Variants in RUNX1 observed in about 807,000 individuals in gnomAD.
RUNX1 encodes RUNX family transcription factor 1.
RUNX1 carries 19 observed loss-of-function variants against 42.8 expected under a neutral mutation model. The ratio of observed to expected loss-of-function variants is 0.44; its 90% CI spans 0.31 to 0.65. The LOEUF (loss-of-function observed/expected upper bound fraction) is 0.65. RUNX1 is among the 30% of genes least tolerant of loss of function. The pLI, the probability that RUNX1 is intolerant of heterozygous loss-of-function variation, is 0.07. For synonymous variants in RUNX1, 271 were observed against 289.4 expected (o/e 0.94, Z 0.64); for missense variants, 528 against 672.0 (o/e 0.79, Z 2.37).
chr21:34,844,586 A>ATGAG (rs3831801), intron 6 of RUNX1, among the ~76,000 whole-genome samples: 1 of 152,004 alleles, frequency 6.6e-6, no homozygotes. Flanking sequence ...AAATAAATGA[A>ATGAG]TGAGTGAGTG....
rs1036078636 is a variant in RUNX1, at chr21:34,857,966, G to T, written c.613+1508C>A. Among the ~76,000 whole-genome samples the T allele has an allele frequency of 1.2e-4, 19 of 152,216 alleles. 1 individual carries two copies. The highest frequency in any genetic ancestry group is 1.2e-3 in the Admixed American group (19 of 15,280). On this transcript the variant is annotated intron_variant, in intron 6 of 8. Coordinates refer to ENST00000675419, the MANE Select transcript of RUNX1 (RefSeq NM_001754.5). ...TCCCAAGTCTAGGCATGGCCAGAAA[G>T]TCTCGATCAGAAAAAGCTGAGAGGG...
chr21:34,895,308 C>T (rs1043303068), intron 2 of RUNX1, among the ~76,000 whole-genome samples: 2 of 152,200 alleles, frequency 1.3e-5, no homozygotes, highest in Non-Finnish European at 2.9e-5. Context: ...GATTCACCTG[C>T]CTTCAGCATT....
chr21:34,864,337 C>T (rs1010310615), intron 5 of RUNX1, among the ~76,000 whole-genome samples: 22 of 152,312 alleles, frequency 1.4e-4, no homozygotes, highest in African/African-American at 5.1e-4. Context: ...GAGCTGCAGC[C>T]GGAATAGTGA....
chr21:34,953,262 C>T (rs909785082), intron 2 of RUNX1, among the ~76,000 whole-genome samples: 1 of 152,080 alleles, frequency 6.6e-6, no homozygotes, highest in African/African-American at 2.4e-5. Context: ...CCTATTCTTC[C>T]TTTCAAAAAG....
Position 34,926,548 on chromosome 21 carries a change from GTGTTTTTCT to G in RUNX1, c.59-33594_59-33586del, listed in dbSNP as rs1268538824. Among the ~76,000 whole-genome samples the G allele has an allele frequency of 1.1e-3, 24 of 22,848 alleles. 7 individuals carry two copies. The highest frequency in any genetic ancestry group is 5.3e-3 in the South Asian group (2 of 376). The allele number at this position is 22,848 out of a possible 152,430, so 15.0% of individuals were successfully genotyped here. On this transcript the variant is annotated intron_variant, in intron 2 of 8. Transcript: ENST00000675419. ...TTTTGATCTACAACAAACACAAATTGTGTTTTTCTACAGCACATATTTATTATTGACTAA... is the reference window on the plus strand; with the variant it reads ...TTTTGATCTACAACAAACACAAATTGACAGCACATATTTATTATTGACTAA...
intron 5 of RUNX1, 142 bp downstream of exon 5, chr21:34,880,415 T>C (rs576323954): frequency 9.4e-5 from 71 of 755,390 alleles, no homozygotes; most frequent in Admixed American, 8.6e-4. Flanking sequence ...CAAATAAATA[T>C]TTTTAAGAGC....
At chr21:35,000,196 T>A (rs1471573868) in intron 2 of RUNX1, among the ~76,000 whole-genome samples, 1 of 151,964 alleles carries the variant, frequency 6.6e-6, no homozygotes, top group Admixed American at 6.6e-5. Flanking sequence ...CTGATTTTTT[T>A]AAATCTAGAG....
At chr21:34,830,165 G>A (rs2057043320) in intron 7 of RUNX1, among the ~76,000 whole-genome samples, 1 of 152,194 alleles carries the variant, frequency 6.6e-6, no homozygotes, top group Admixed American at 6.5e-5. Context: ...AGTGAGGCAC[G>A]CATACTCATA....
At chr21:34,869,765 T>C (rs2146295554) in intron 5 of RUNX1, among the ~76,000 whole-genome samples, 1 of 152,194 alleles carries the variant, frequency 6.6e-6, no homozygotes, top group South Asian at 2.1e-4. Flanking sequence ...CCCTTCAACT[T>C]GGGTGGAGGC....
At chr21:34,919,032 A>G (rs2058334214) in intron 2 of RUNX1, among the ~76,000 whole-genome samples, 1 of 152,260 alleles carries the variant, frequency 6.6e-6, no homozygotes, top group Non-Finnish European at 1.5e-5. Flanking sequence ...TTCATTATAA[A>G]TGAACACAAA....
At chr21:34,891,353 T>G (rs2058078998) in intron 3 of RUNX1, among the ~76,000 whole-genome samples, 2 of 152,228 alleles carry the variant, frequency 1.3e-5, no homozygotes, top group African/African-American at 4.8e-5. Flanking sequence ...ACATTTGGGT[T>G]TCCCCGGAGC....
chr21:34,813,101 T>C (rs973412551), intron 7 of RUNX1, among the ~76,000 whole-genome samples: 2 of 152,142 alleles, frequency 1.3e-5, no homozygotes, highest in Non-Finnish European at 2.9e-5. Context: ...ACGGGTGATT[T>C]CTCCTCCAGG....
At chr21:34,876,089 G>A (rs541207884) in intron 5 of RUNX1, among the ~76,000 whole-genome samples, 5 of 152,260 alleles carry the variant, frequency 3.3e-5, no homozygotes, top group East Asian at 1.9e-4. Flanking sequence ...CACAAATTCC[G>A]CCAAGAAACT....
At position 34,986,206 on chromosome 21, in the gene RUNX1, T is replaced by C. The variant is rs1314520787; in HGVS notation, c.58+62636A>G. On this transcript the variant is annotated intron_variant, in intron 2 of 8. Coordinates refer to ENST00000675419, the MANE Select transcript of RUNX1 (RefSeq NM_001754.5). ...GCTGATCATTTATGTCCCTAGATAC[T>C]GTCCACTGTTTCACCTTCCAGTCTG... 4.6e-5 allele frequency among the ~76,000 whole-genome samples: 7 copies of C among 152,228 alleles called. No individual in the cohort carries two copies. In the East Asian group the frequency reaches 1.4e-3, roughly 29 times the overall value.
At chr21:35,006,977 T>A (rs2059089743) in intron 2 of RUNX1, among the ~76,000 whole-genome samples, 1 of 152,174 alleles carries the variant, frequency 6.6e-6, no homozygotes, top group Non-Finnish European at 1.5e-5. Flanking sequence ...AGGAGGTACC[T>A]TAGGTGGCTT....
chr21:34,895,862 T>C (rs763011712), intron 2 of RUNX1, among the ~76,000 whole-genome samples: 1 of 152,074 alleles, frequency 6.6e-6, no homozygotes, highest in Non-Finnish European at 1.5e-5. Flanking sequence ...AATTAATATA[T>C]ATATTAGAAA....
intron 8 of RUNX1, chr21:34,798,027 A>G (rs1378564308): frequency 2.2e-6 from 1 of 456,502 alleles, no homozygotes; most frequent in Admixed American, 2.4e-5. Context: ...AGCTCTTAGA[A>G]GGCATTCTGT....
At chr21:34,817,126 A>G (rs1328636394) in intron 7 of RUNX1, among the ~76,000 whole-genome samples, 1 of 152,234 alleles carries the variant, frequency 6.6e-6, no homozygotes, top group Non-Finnish European at 1.5e-5. Flanking sequence ...AGGCCAAAGT[A>G]TCAACAGTGA....
chr21:34,989,155 C>G (rs2058916588), intron 2 of RUNX1, among the ~76,000 whole-genome samples: 1 of 152,066 alleles, frequency 6.6e-6, no homozygotes, highest in African/African-American at 2.4e-5. Flanking sequence ...ATTACAGGCG[C>G]CCGCCGCCAC....
Sources: gnomAD v4.1 joint callset for allele counts (sites outside exome capture counted in the v4.1 genomes callset) on GRCh38, gnomAD v4.1.1 for gene constraint, MANE v1.5 for transcripts, NCBI Gene and HGNC (gene_info 2026-07-23, HGNC 2026-07-21) for gene names.